The following NUSAP1 variants were observed in gnomAD, a reference collection of about 807,000 sequenced individuals.
NUSAP1 encodes nucleolar and spindle-associated protein 1.
NUSAP1 carries 32 observed loss-of-function variants against 52.8 expected under a neutral mutation model. That is an observed-to-expected ratio of 0.61 (90% CI 0.46 to 0.81). NUSAP1 has a LOEUF of 0.81. Ranked by LOEUF, NUSAP1 falls within the 40% of genes least tolerant of loss-of-function variation. The pLI, the probability that NUSAP1 is intolerant of heterozygous loss-of-function variation, is 0.00. For synonymous variants in NUSAP1, 195 were observed against 183.1 expected (o/e 1.06, Z -0.52); for missense variants, 499 against 522.3 (o/e 0.96, Z 0.43).
chr15:41,365,643 TAA>T, intron 7 of NUSAP1, 54 bp downstream of exon 7: 4 of 1,346,158 alleles, frequency 3.0e-6, no homozygotes, highest in Non-Finnish European at 4.0e-6. Flanking sequence ...ATGGACTATA[TAA>T]AAAAAAAATT....
chr15:41,371,214 G>A (rs533141677), intron 7 of NUSAP1, among the ~76,000 whole-genome samples: 152 of 151,976 alleles, frequency 1.0e-3, no homozygotes, highest in African/African-American at 3.5e-3. Flanking sequence ...GAGGAGGAAG[G>A]GGAGCTTTTG....
chr15:41,335,018 A>C (rs1241290096), intron 1 of NUSAP1, among the ~76,000 whole-genome samples: 2 of 152,074 alleles, frequency 1.3e-5, no homozygotes, highest in Admixed American at 6.6e-5. Flanking sequence ...GGATTGCACT[A>C]TTCTCTCTAC....
chr15:41,354,680 T>C (rs2048897295), intron 4 of NUSAP1, among the ~76,000 whole-genome samples: 1 of 150,476 alleles, frequency 6.6e-6, no homozygotes, highest in Non-Finnish European at 1.5e-5. Context: ...GATATATATA[T>C]ATATATATAT....
At chr15:41,357,644 A>C (rs2049021989) in intron 5 of NUSAP1, among the ~76,000 whole-genome samples, 6 of 151,954 alleles carry the variant, frequency 3.9e-5, no homozygotes, top group Admixed American at 3.9e-4. Flanking sequence ...GGGTTTCTCC[A>C]TGTTGGTCAG....
rs1163552362 is a variant in NUSAP1 at position 41,362,552 on chromosome 15, G to A, written c.661-2850G>A. Among the ~76,000 whole-genome samples, 4 of 150,872 alleles carry A rather than the reference G, an allele frequency of 2.7e-5. No individual in the cohort carries two copies. The East Asian group carries it at 7.8e-4, about 29-fold the overall frequency. On this transcript the variant is annotated intron_variant, in intron 6 of 10. Transcript: ENST00000559596. ...CCACTCTCCTGTCTCAGCCTCCTGA[G>A]TAGCTGGGACTACGGGCGCCCGCCA...
intron 2 of NUSAP1, 146 bp from the exon 3 acceptor site, chr15:41,348,952 G>C: frequency 5.3e-6 from 4 of 751,496 alleles, no homozygotes; most frequent in Non-Finnish European, 8.3e-6. Flanking sequence ...TATAATTCTT[G>C]TCTTTGCCTA....
At chr15:41,342,344 T>G in intron 1 of NUSAP1, 42 bp from the exon 2 acceptor site, 1 of 1,323,034 alleles carries the variant, frequency 7.6e-7, no homozygotes, top group Non-Finnish European at 1.1e-6. Flanking sequence ...ATCTTCCTTG[T>G]TTATTTGACT....
chr15:41,374,613 C>G (rs1293135678), intron 8 of NUSAP1, among the ~76,000 whole-genome samples: 2 of 151,668 alleles, frequency 1.3e-5, no homozygotes, highest in Non-Finnish European at 2.9e-5. Flanking sequence ...CTGCAACCTC[C>G]GACTCCCTGG....
chr15:41,333,468 A>G (rs1183965668), intron 1 of NUSAP1, among the ~76,000 whole-genome samples: 1 of 152,114 alleles, frequency 6.6e-6, no homozygotes, highest in Non-Finnish European at 1.5e-5. Flanking sequence ...GTGATTTGTA[A>G]TATTGCCGAT....
chr15:41,342,727 A>G (rs1459756544), intron 2 of NUSAP1, among the ~76,000 whole-genome samples: 2 of 152,084 alleles, frequency 1.3e-5, no homozygotes, highest in Admixed American at 6.6e-5. Flanking sequence ...AATCCCAGCT[A>G]CTCAGGAGGC....
chr15:41,373,410 C>T (rs2049788183), intron 8 of NUSAP1, among the ~76,000 whole-genome samples: 1 of 150,830 alleles, frequency 6.6e-6, no homozygotes, highest in Non-Finnish European at 1.5e-5. Context: ...CTACACCATC[C>T]TGGATATTTT....
intron 4 of NUSAP1, among the ~76,000 whole-genome samples, chr15:41,352,647 GGCACGATCTCAGCTCACTGCA>G (rs2048818557): frequency 6.6e-6 from 1 of 151,852 alleles, no homozygotes; most frequent in Non-Finnish European, 1.5e-5. Flanking sequence ...AGAGCACAGT[GGCACGATCTCAGCTCACTGCA>G]GCCTCAGCCT....
intron 9 of NUSAP1, among the ~76,000 whole-genome samples, chr15:41,376,289 C>T (rs1337875533): frequency 1.3e-5 from 2 of 151,562 alleles, no homozygotes; most frequent in Admixed American, 1.3e-4. Flanking sequence ...ATCCCAGCTA[C>T]TTGGGAGGCT....
At chr15:41,337,266 G>C (rs190979621) in intron 1 of NUSAP1, among the ~76,000 whole-genome samples, 1 of 152,028 alleles carries the variant, frequency 6.6e-6, no homozygotes. Flanking sequence ...CGATCCTCGC[G>C]CCTTGGCCTC....
intron 9 of NUSAP1, among the ~76,000 whole-genome samples, chr15:41,376,203 C>G (rs2049926452): frequency 6.6e-6 from 1 of 151,036 alleles, no homozygotes. Context: ...CGAGATCAGC[C>G]TGGCCAACAT....
At position 41,369,894 on chromosome 15, in the gene NUSAP1, C is replaced by T. The variant is rs577199341; in HGVS notation, c.849-1633C>T. On this transcript the variant is annotated intron_variant, in intron 7 of 10. Transcript: ENST00000559596. The stretch of plus-strand genomic sequence containing the variant: ...CAGCCTGGCCAACATAGTGAAACCC[C>T]GTCTCTGCTAAAAATACAAAACAAT... 3.3e-5 allele frequency among the ~76,000 whole-genome samples: 5 copies of T among 151,038 alleles called. No homozygotes were observed. In the South Asian group the frequency reaches 8.4e-4, roughly 25 times the overall value.
rs200917384 is a variant in NUSAP1, at chr15:41,352,160, T to C, written c.448+1031T>C. 2.4e-4 allele frequency among the ~76,000 whole-genome samples: 37 copies of C among 152,202 alleles called. 1 individual carries two copies. In the East Asian group the frequency reaches 3.9e-3, roughly 16 times the overall value. On this transcript the variant is annotated intron_variant, in intron 4 of 10. Coordinates refer to ENST00000559596, the MANE Select transcript of NUSAP1 (RefSeq NM_016359.5). ...GGTTTCACCATGTTGGCCAGGCTTG[T>C]CTCGAACTCCTGACCTCGTGATCCA... is the stretch of plus-strand genomic sequence containing the variant.
chr15:41,370,585 T>A (rs2049629612), intron 7 of NUSAP1, among the ~76,000 whole-genome samples: 1 of 151,818 alleles, frequency 6.6e-6, no homozygotes, highest in African/African-American at 2.4e-5. Flanking sequence ...ACCCCATCTC[T>A]ACTAAAAATA....
chr15:41,343,613 C>G (rs1368446488), intron 2 of NUSAP1, among the ~76,000 whole-genome samples: 1 of 152,084 alleles, frequency 6.6e-6, no homozygotes, highest in Non-Finnish European at 1.5e-5. Context: ...CTCGGCCTCC[C>G]AAAGTGCTGG....
Sources: allele counts gnomAD v4.1 joint callset (sites outside exome capture counted in the v4.1 genomes callset), GRCh38; gene constraint gnomAD v4.1.1; transcripts MANE v1.5; gene names NCBI Gene and HGNC (gene_info 2026-07-23, HGNC 2026-07-21).